SNTG1: variants seen among roughly 807,000 people sequenced by gnomAD.
SNTG1 encodes the protein gamma-1-syntrophin.
A neutral mutation model predicts 74.7 loss-of-function variants in SNTG1; 39 were observed. The ratio of observed to expected loss-of-function variants is 0.52; its 90% confidence interval spans 0.40 to 0.68. The LOEUF (loss-of-function observed/expected upper bound fraction) is 0.68, where lower values mean the gene tolerates loss of function less well. Among genes scored for constraint, SNTG1 ranks in the 30% least tolerant of loss-of-function variants. The probability of loss-of-function intolerance (pLI) is 0.00; values close to 1 mark genes in which losing one functional copy is unlikely to be tolerated. For synonymous variants in SNTG1, 254 were observed against 217.1 expected (o/e 1.17, Z -1.49); for missense variants, 685 against 609.5 (o/e 1.12, Z -1.30).
intron 9 of SNTG1, among the ~76,000 whole-genome samples, chr8:50,503,870 C>T (rs1434994350): frequency 6.6e-6 from 1 of 152,098 alleles, no homozygotes; most frequent in Non-Finnish European, 1.5e-5. Flanking sequence ...ATTTTAAGTT[C>T]AGGGGTACAA....
intron 1 of SNTG1, among the ~76,000 whole-genome samples, chr8:50,114,280 A>G (rs999930636): frequency 6.6e-6 from 1 of 152,198 alleles, no homozygotes; most frequent in Non-Finnish European, 1.5e-5. Context: ...GATTTTCTTT[A>G]TATTAGTAAT....
intron 13 of SNTG1, among the ~76,000 whole-genome samples, chr8:50,621,492 T>A (rs2131046809): frequency 1.3e-5 from 2 of 152,366 alleles, no homozygotes; most frequent in African/African-American, 4.8e-5. Flanking sequence ...TAGCCATTAT[T>A]AGCTTAGAGT....
intron 1 of SNTG1, among the ~76,000 whole-genome samples, chr8:50,167,015 C>T (rs796772058): frequency 3.5e-5 from 5 of 142,170 alleles, no homozygotes; most frequent in African/African-American, 8.5e-5. Flanking sequence ...AGTAAACTAT[C>T]GCAAGAACAA....
In SNTG1 at chr8:50,008,114, A is replaced by G. The variant is rs533439363; in HGVS notation, c.-103+95883A>G. Among the ~76,000 whole-genome samples the G allele has an allele frequency of 9.9e-5, 15 of 152,028 alleles. No homozygotes were observed. The South Asian group carries it at 3.1e-3, about 32-fold the overall frequency. On this transcript the variant is annotated intron_variant, in intron 1 of 18. Transcript: ENST00000642720. ...GATTTGAGTGGGGACACAGAGCCAA[A>G]TCATATCAGAGAATTTAAAAGAATT...
At chr8:50,218,486 A>T (rs953383613) in intron 2 of SNTG1, among the ~76,000 whole-genome samples, 7 of 152,194 alleles carry the variant, frequency 4.6e-5, no homozygotes, top group Non-Finnish European at 1.0e-4. Flanking sequence ...GAGAAATAAA[A>T]ATAACTATTT....
intron 9 of SNTG1, among the ~76,000 whole-genome samples, chr8:50,522,460 C>G (rs888206129): frequency 2.0e-5 from 3 of 152,080 alleles, no homozygotes; most frequent in African/African-American, 7.2e-5. Flanking sequence ...GTTAAGGGAC[C>G]TATCCTTGCC....
rs571097915 is a variant in SNTG1 at position 49,926,668 on chromosome 8, G to A, written c.-103+14437G>A. Among the ~76,000 whole-genome samples, 16 of 152,170 alleles carry A rather than the reference G, an allele frequency of 1.1e-4. No homozygotes were observed. The South Asian group carries it at 3.3e-3, about 32-fold the overall frequency. On this transcript the variant is annotated intron_variant, in intron 1 of 18. Transcript: ENST00000642720. ...AGATATCATAAGAGAAAATATAGAT[G>A]ACCTTTGGTATGGCAATGACTTTTT...
At chr8:50,413,862 T>C (rs1425122898) in intron 4 of SNTG1, among the ~76,000 whole-genome samples, 1 of 152,238 alleles carries the variant, frequency 6.6e-6, no homozygotes, top group Non-Finnish European at 1.5e-5. Flanking sequence ...AAACTATTTA[T>C]TGAATTTCTG....
chr8:50,523,084 T>C (rs1191998991), intron 9 of SNTG1, among the ~76,000 whole-genome samples: 1 of 152,206 alleles, frequency 6.6e-6, no homozygotes, highest in Non-Finnish European at 1.5e-5. Context: ...TTGAGTCTCA[T>C]AAAGCAACAT....
intron 1 of SNTG1, among the ~76,000 whole-genome samples, chr8:50,075,236 G>A (rs1412600468): frequency 6.6e-6 from 1 of 152,202 alleles, no homozygotes; most frequent in Non-Finnish European, 1.5e-5. Flanking sequence ...CCGCCCAGGG[G>A]CTGAGCAGTG....
chr8:50,323,926 G>C (rs1412122113), intron 2 of SNTG1, among the ~76,000 whole-genome samples: 1 of 152,156 alleles, frequency 6.6e-6, no homozygotes, highest in East Asian at 1.9e-4. Flanking sequence ...TCGAATACTG[G>C]GGTTTGAAGA....
chr8:50,663,329 A>G (rs1020008818), intron 15 of SNTG1, among the ~76,000 whole-genome samples: 6 of 152,168 alleles, frequency 3.9e-5, no homozygotes, highest in Non-Finnish European at 7.3e-5. Context: ...CCACTAAAGC[A>G]TGTCAAGCAT....
Position 50,402,221 on chromosome 8 carries a change from A to G in SNTG1, c.39A>G (p.Gly13=), listed in dbSNP as rs2092815205. 1.3e-6 allele frequency: 2 copies of G among 1,592,154 alleles called. No homozygotes were observed. Among genetic ancestry groups the G allele is most frequent in the East Asian group, 4.5e-5 (2 of 44,766 alleles). ...FRTACEETKT[G]ICLLQDGNQE... ...TTTTTAATCTGAAGACAAAGACAGG[A>G]ATTTGTTTGCTGCAGGATGGTAACC... Residue 13 remains glycine, a synonymous_variant, in exon 4 of 19, where the codon GGA becomes GGG. Coordinates refer to ENST00000642720, the MANE Select transcript of SNTG1 (RefSeq NM_018967.5).
intron 2 of SNTG1, among the ~76,000 whole-genome samples, chr8:50,177,676 G>A (rs1022013564): frequency 1.3e-5 from 2 of 152,142 alleles, no homozygotes; most frequent in African/African-American, 4.8e-5. Context: ...GCCTTATAAG[G>A]CCCCTGCATA....
At chr8:50,622,214 A>G (rs920386842) in intron 13 of SNTG1, among the ~76,000 whole-genome samples, 1 of 152,188 alleles carries the variant, frequency 6.6e-6, no homozygotes, top group Non-Finnish European at 1.5e-5. Flanking sequence ...AAGTTTGTCA[A>G]TGTGGTTCAC....
At chr8:50,440,905 A>G (rs550933676) in intron 5 of SNTG1, among the ~76,000 whole-genome samples, 3 of 152,246 alleles carry the variant, frequency 2.0e-5, no homozygotes, top group Non-Finnish European at 2.9e-5. Flanking sequence ...TCTTTAAAAA[A>G]GAAAAAAACT....
At chr8:50,310,279 A>T (rs76266821) in intron 2 of SNTG1, among the ~76,000 whole-genome samples, 8,023 of 152,294 alleles carry the variant, frequency 0.053, 237 homozygotes, top group Middle Eastern at 0.12. Flanking sequence ...GTGTTATAAA[A>T]TTTCAATTTC....
chr8:50,029,480 C>T (rs1817560984), intron 1 of SNTG1, among the ~76,000 whole-genome samples: 1 of 151,830 alleles, frequency 6.6e-6, no homozygotes, highest in African/African-American at 2.4e-5. Flanking sequence ...ATTAACCATC[C>T]CCACATTATC....
rs1277329998 is a variant in SNTG1, at chr8:50,502,886, C to T, written c.466+6C>T. 7 of 1,604,340 alleles carry T rather than the reference C, an allele frequency of 4.4e-6. No individual in the cohort carries two copies. Among genetic ancestry groups the T allele is most frequent in the Non-Finnish European group, 6.0e-6 (7 of 1,172,406 alleles). On this transcript the variant is annotated splice_donor_region_variant and intron_variant, in intron 9 of 18. Transcript: ENST00000642720. ...ATTGAATGAAGATTGTGCATGTAAGCATTTATAAAGAATAGATAAAAGTGC... is the reference window on the plus strand; with the variant it reads ...ATTGAATGAAGATTGTGCATGTAAGTATTTATAAAGAATAGATAAAAGTGC...
Sources: allele counts gnomAD v4.1 joint callset (sites outside exome capture counted in the v4.1 genomes callset), GRCh38; gene constraint gnomAD v4.1.1; transcripts MANE v1.5; gene names NCBI Gene and HGNC (gene_info 2026-07-23, HGNC 2026-07-21).